The following CD27 variants were observed in gnomAD, a reference collection of about 807,000 sequenced individuals.
The protein encoded by CD27 is CD27 molecule, also known as CD27 antigen.
CD27 carries 16 observed loss-of-function variants against 25.9 expected under a neutral mutation model. The observed-to-expected ratio is 0.62, with a 90% CI of 0.42 to 0.94. The LOEUF is 0.94. Ranked by LOEUF, CD27 falls within the 40% of genes least tolerant of loss-of-function variation. The pLI is 0.00. For missense variants in CD27, 300 were observed against 333.2 expected, an observed-to-expected ratio of 0.90 and a Z score of 0.78; for synonymous variants, 142 against 124.3, an observed-to-expected ratio of 1.14 and a Z score of -0.95.
In CD27 at chr12:6,451,432, A is replaced by AC; in HGVS notation, c.*45dup. ...GAGCTGCACTACAGCCCTGGCCTCC[A>AC]CCCCCACCCCGCCGACCATCCAAGG... On this transcript the variant is annotated 3_prime_UTR_variant, in exon 6 of 6. Transcript: ENST00000266557. 6.4e-7 allele frequency: 1 copy of AC among 1,568,532 alleles called. No homozygotes were observed.
chr12:6,451,423 C>A lies in CD27; in HGVS notation c.*31C>A, dbSNP rs373040540. 19 of 1,600,668 alleles carry A rather than the reference C, an allele frequency of 1.2e-5. No individual in the cohort carries two copies. Among genetic ancestry groups the A allele is most frequent in the Middle Eastern group, 2.1e-4 (1 of 4,776 alleles). ...CACCTGCGGGAGCTGCACTACAGCC[C>A]TGGCCTCCACCCCCACCCCGCCGAC... On this transcript the variant is annotated 3_prime_UTR_variant, in exon 6 of 6. Coordinates refer to ENST00000266557, the MANE Select transcript of CD27 (RefSeq NM_001242.5).
intron 2 of CD27, among the ~76,000 whole-genome samples, chr12:6,446,506 G>C (rs1949418537): frequency 6.6e-6 from 1 of 152,222 alleles, no homozygotes; most frequent in South Asian, 2.1e-4. Flanking sequence ...AGATGTGGTG[G>C]CTCATGCCTA....
chr12:6,451,457 GGA>G lies in CD27; in HGVS notation c.*69_*70del, dbSNP rs1301301014. Reference sequence around the variant, plus strand: ...ACCCCCACCCCGCCGACCATCCAAGGGAGAGTGAGACCTGGCAGCCACAACTG... The same window carrying G: ...ACCCCCACCCCGCCGACCATCCAAGGGAGTGAGACCTGGCAGCCACAACTG... On this transcript the variant is annotated 3_prime_UTR_variant, in exon 6 of 6. Transcript: ENST00000266557. 5.2e-6 allele frequency: 8 copies of G among 1,543,728 alleles called. No individual in the cohort carries two copies. The East Asian group carries it at 1.6e-4, about 30-fold the overall frequency.
chr12:6,449,719 A>G (rs79113704), intron 2 of CD27, among the ~76,000 whole-genome samples: 1 of 134 alleles, frequency 7.5e-3, no homozygotes, highest in Non-Finnish European at 0.014. Flanking sequence ...GTGTGGTGGC[A>G]CACACCTGTA....
At position 6,451,417 on chromosome 12, in the gene CD27, A is replaced by G; in HGVS notation, c.*25A>G. On this transcript the variant is annotated 3_prime_UTR_variant, in exon 6 of 6. Coordinates refer to ENST00000266557, the MANE Select transcript of CD27 (RefSeq NM_001242.5). ...AGCCAGCACCTGCGGGAGCTGCACT[A>G]CAGCCCTGGCCTCCACCCCCACCCC... The G allele has an allele frequency of 3.1e-6, 5 of 1,607,168 alleles. No individual in the cohort carries two copies. The highest frequency in any genetic ancestry group is 4.2e-6 in the Non-Finnish European group (5 of 1,177,382).
In CD27 at chr12:6,445,291, T is replaced by C. The variant is rs1373545650; in HGVS notation, c.136+60T>C. 22 of 1,610,494 alleles carry C rather than the reference T, an allele frequency of 1.4e-5. No individual in the cohort carries two copies. Among genetic ancestry groups the C allele is most frequent in the Non-Finnish European group, 1.8e-5 (21 of 1,178,446 alleles). ...GCGAAAGAGAGAGGACTGGGGTTAATACAGTAAATAGGCGCAGGGTGAGAC... is the reference window on the plus strand; with the variant it reads ...GCGAAAGAGAGAGGACTGGGGTTAACACAGTAAATAGGCGCAGGGTGAGAC... On this transcript the variant is annotated intron_variant, in intron 1 of 5. Coordinates refer to ENST00000266557, the MANE Select transcript of CD27 (RefSeq NM_001242.5). This position sits in a 1 kb window ranked among gnomAD's most constrained non-coding sequence, Gnocchi z 4.5.
chr12:6,450,948 G>A lies in CD27; in HGVS notation c.592G>A (p.Gly198Arg), dbSNP rs1398726702. The A allele has an allele frequency of 6.2e-7, 1 of 1,613,950 alleles. No individual in the cohort carries two copies. Among genetic ancestry groups the A allele is most frequent in the African/African-American group, 1.3e-5 (1 of 74,886 alleles). ...TATTCGCATCCTTGTGATCTTCTCT[G>A]GAATGTTCCTTGTTTTCACCCTGGC... ...DFIRILVIFS[G>R]MFLVFTLAGA... Residue 198 changes from glycine to arginine, a missense_variant, in exon 5 of 6, where the codon GGA becomes AGA. Transcript: ENST00000266557. The surrounding 1 kb of genome is among the most constrained non-coding windows in gnomAD (Gnocchi z 4.1).
In CD27 at chr12:6,445,479, T is replaced by G; in HGVS notation, c.192T>G (p.Pro64=). The part of the protein sequence containing the change: ...DQHRKAAQCD[P]CIPGVSFSPD... ...ATAGAAAGGCTGCTCAGTGTGATCC[T>G]TGCATACCGGGGGTCTCCTTCTCTC... is the stretch of plus-strand genomic sequence containing the variant. The change falls in exon 2 of 6, where the codon CCT becomes CCG. Residue 64 remains proline, a synonymous_variant. Transcript: ENST00000266557. The surrounding 1 kb of genome is among the most constrained non-coding windows in gnomAD (Gnocchi z 4.5). 1 of 1,614,156 alleles carries G rather than the reference T, an allele frequency of 6.2e-7. No individual in the cohort carries two copies. Among genetic ancestry groups the G allele is most frequent in the Non-Finnish European group, 8.5e-7 (1 of 1,180,024 alleles).
At position 6,445,196 on chromosome 12, in the gene CD27, C is replaced by G. The variant is rs1366450468; in HGVS notation, c.101C>G (p.Ala34Gly). The G allele has an allele frequency of 3.1e-5, 50 of 1,613,580 alleles. No homozygotes were observed. In the East Asian group the frequency reaches 1.1e-3, roughly 35 times the overall value. The change falls in exon 1 of 6, where the codon GCT becomes GGT. Residue 34 changes from alanine (A) to glycine (G), a missense_variant. Physicochemically the swap from Ala to Gly is moderately conservative, Grantham distance 60. Coordinates refer to ENST00000266557, the MANE Select transcript of CD27 (RefSeq NM_001242.5). The surrounding 1 kb of genome is among the most constrained non-coding windows in gnomAD (Gnocchi z 4.5). ...AGCTGCCCAGAGAGGCACTACTGGG[C>G]TCAGGGAAAGCTGTGCTGCCAGATG... ...PKSCPERHYW[A>G]QGKLCCQMCE...
chr12:6,450,438 G>A lies in CD27; in HGVS notation c.448+86G>A. The A allele has an allele frequency of 6.5e-7, 1 of 1,541,164 alleles. No individual in the cohort carries two copies. The highest frequency in any genetic ancestry group is 1.2e-5 in the South Asian group (1 of 86,676). On this transcript the variant is annotated intron_variant, in intron 3 of 5. Transcript: ENST00000266557. The surrounding 1 kb of genome is among the most constrained non-coding windows in gnomAD (Gnocchi z 4.1). ...CTCCCCACTCCTACCCCTAGATAAGGTCAGCCTGTTTCTGCCTTCCCATCC... is the reference window on the plus strand; with the variant it reads ...CTCCCCACTCCTACCCCTAGATAAGATCAGCCTGTTTCTGCCTTCCCATCC...
In CD27 at chr12:6,450,471, C is replaced by A; in HGVS notation, c.449-70C>A. The stretch of plus-strand genomic sequence containing the variant: ...GTTTCTGCCTTCCCATCCCATCCAG[C>A]ACCTCTCAGGCCTTCAGATGTGCCC... On this transcript the variant is annotated intron_variant, in intron 3 of 5. Coordinates refer to ENST00000266557, the MANE Select transcript of CD27 (RefSeq NM_001242.5). This position sits in a 1 kb window ranked among gnomAD's most constrained non-coding sequence, Gnocchi z 4.1. 2.6e-6 allele frequency: 4 copies of A among 1,546,218 alleles called. No individual in the cohort carries two copies. In the South Asian group the frequency reaches 4.5e-5, roughly 18 times the overall value.
intron 2 of CD27, chr12:6,447,137 C>G (rs1949427710): frequency 6.6e-6 from 1 of 151,938 alleles, no homozygotes; most frequent in East Asian, 1.9e-4. Flanking sequence ...TGCAAATCAA[C>G]CAAAAAGGAA....
Position 6,450,857 on chromosome 12 carries a change from A to G in CD27, c.539-38A>G, listed in dbSNP as rs1399693313. 6.2e-7 allele frequency: 1 copy of G among 1,613,294 alleles called. No homozygotes were observed. On this transcript the variant is annotated intron_variant, in intron 4 of 5. Transcript: ENST00000266557. The surrounding 1 kb of genome is among the most constrained non-coding windows in gnomAD (Gnocchi z 4.1). Reference sequence around the variant, plus strand: ...CTGGGCTGAGGGAGCCAAGGGCTAGACCCTCCCCTAACCCCTGTGTGTCCC... The same window carrying G: ...CTGGGCTGAGGGAGCCAAGGGCTAGGCCCTCCCCTAACCCCTGTGTGTCCC...
chr12:6,444,794 G>A (rs1001127637), upstream of CD27: 2 of 277,836 alleles, frequency 7.2e-6, no homozygotes, highest in South Asian at 6.1e-5. Context: ...CAGGAGAGGC[G>A]GAAACTAAGG....
At chr12:6,451,128 C>T in intron 5 of CD27, 114 bp downstream of exon 5, 2 of 1,552,662 alleles carry the variant, frequency 1.3e-6, no homozygotes, top group South Asian at 2.3e-5. Context: ...CTTCACCAGC[C>T]TTGGTCCTAC....
In CD27 at chr12:6,445,763, A is replaced by C. The variant is rs1949406592; in HGVS notation, c.268+208A>C. ...GGGCAGACATCTAGTATTCCAGGAA[A>C]GGGATAAATAGAATTTGAGGGATTG... On this transcript the variant is annotated intron_variant, in intron 2 of 5. Transcript: ENST00000266557. The surrounding 1 kb of genome is among the most constrained non-coding windows in gnomAD (Gnocchi z 4.5). 6.6e-6 allele frequency among the ~76,000 whole-genome samples: 1 copy of C among 152,162 alleles called. No homozygotes were observed. Among genetic ancestry groups the C allele is most frequent in the Non-Finnish European group, 1.5e-5 (1 of 68,018 alleles).
In CD27 at chr12:6,450,028, G is replaced by A; in HGVS notation, c.269-145G>A. Reference sequence around the variant, plus strand: ...GGCATTGGGGGACCGTGAGCAAAGGGCAGGCCTTTGCAGGGGTGGGAATGG... The same window carrying A: ...GGCATTGGGGGACCGTGAGCAAAGGACAGGCCTTTGCAGGGGTGGGAATGG... On this transcript the variant is annotated intron_variant, in intron 2 of 5. Coordinates refer to ENST00000266557, the MANE Select transcript of CD27 (RefSeq NM_001242.5). The surrounding 1 kb of genome is among the most constrained non-coding windows in gnomAD (Gnocchi z 4.1). 1 of 638,678 alleles carries A rather than the reference G, an allele frequency of 1.6e-6. No individual in the cohort carries two copies. The allele number at this position is 638,678 out of a possible 1,614,324, so 39.6% of individuals were successfully genotyped here.
chr12:6,451,182 C>A, intron 5 of CD27, 86 bp from the exon 6 acceptor site: 7 of 1,558,470 alleles, frequency 4.5e-6, no homozygotes, highest in Non-Finnish European at 5.2e-6. Flanking sequence ...ACCCCTCCCC[C>A]AAGCGCACCC....
chr12:6,444,565 T>G (rs1949384652), upstream of CD27, among the ~76,000 whole-genome samples: 1 of 150,450 alleles, frequency 6.6e-6, no homozygotes, highest in Admixed American at 6.8e-5. Flanking sequence ...ATTCTGGTTC[T>G]CCTTCCTTCT....
Sources: allele counts gnomAD v4.1 joint callset (sites outside exome capture counted in the v4.1 genomes callset), GRCh38; gene constraint gnomAD v4.1.1; non-coding constraint Gnocchi (gnomAD v3.1); transcripts MANE v1.5; gene names NCBI Gene and HGNC (gene_info 2026-07-23, HGNC 2026-07-21).